The following TUBA1C variants were observed in gnomAD, a reference collection of about 807,000 sequenced individuals.
The protein encoded by TUBA1C is tubulin alpha-1C chain.
In TUBA1C, 16 loss-of-function variants were observed where a neutral mutation model predicts 34.9. The ratio of observed to expected loss-of-function variants is 0.46; its 90% CI spans 0.31 to 0.70. The LOEUF (loss-of-function observed/expected upper bound fraction) is 0.70, where lower values mean the gene tolerates loss of function less well. Among genes scored for constraint, TUBA1C ranks in the 30% least tolerant of loss-of-function variants. TUBA1C has a pLI of 0.05. For synonymous variants in TUBA1C, 177 were observed against 215.9 expected, an observed-to-expected ratio of 0.82 and a Z score of 1.58; for missense variants, 329 against 587.3, an observed-to-expected ratio of 0.56 and a Z score of 4.55.
In TUBA1C at chr12:49,246,758, C is replaced by G. The variant is rs1172405308; in HGVS notation, c.213+18592C>G. On this transcript the variant is annotated intron_variant, in intron 1 of 3. Transcript: ENST00000541364. ...TATCAGAAGACAGAAGGCCAACTGG[C>G]TTATGGCATTTCAGGACAATTTCTG... 2.6e-5 allele frequency among the ~76,000 whole-genome samples: 4 copies of G among 152,296 alleles called. No individual in the cohort carries two copies. In the South Asian group the frequency reaches 8.3e-4, roughly 32 times the overall value.
At chr12:49,264,242 AC>A (rs1475663910), upstream of TUBA1C, among the ~76,000 whole-genome samples, 1 of 151,606 alleles carries the variant, frequency 6.6e-6, no homozygotes, top group African/African-American at 2.4e-5. Flanking sequence ...AAAGCCAACT[AC>A]TCTGCATAGT....
chr12:49,251,007 G>A (rs1436288297), intron 1 of TUBA1C, among the ~76,000 whole-genome samples: 1 of 152,188 alleles, frequency 6.6e-6, no homozygotes, highest in South Asian at 2.1e-4. Context: ...GGGAGTTCAA[G>A]ACCAGCCTGG....
intron 1 of TUBA1C, among the ~76,000 whole-genome samples, chr12:49,258,788 C>T (rs775211537): frequency 6.8e-6 from 1 of 146,982 alleles, no homozygotes; most frequent in African/African-American, 2.5e-5. Flanking sequence ...CGGAGTTTTG[C>T]TCTTGGTGCC....
upstream of TUBA1C, among the ~76,000 whole-genome samples, chr12:49,261,500 T>A (rs1942840182): frequency 6.6e-6 from 1 of 152,204 alleles, no homozygotes; most frequent in Non-Finnish European, 1.5e-5. Context: ...TGGGGTAAAT[T>A]ATTTCAAGTC....
intron 1 of TUBA1C, among the ~76,000 whole-genome samples, chr12:49,259,474 C>T (rs1406003729): frequency 6.6e-6 from 1 of 152,202 alleles, no homozygotes; most frequent in Non-Finnish European, 1.5e-5. Context: ...CTGCCTGCCT[C>T]AACCTCCCAA....
At chr12:49,242,592 C>T (rs1276106728) in intron 1 of TUBA1C, among the ~76,000 whole-genome samples, 5 of 152,008 alleles carry the variant, frequency 3.3e-5, no homozygotes, top group African/African-American at 9.7e-5. Flanking sequence ...CTCAGCCTCC[C>T]GAGTAGCTGG....
chr12:49,254,694 C>T (rs964139615), intron 1 of TUBA1C, among the ~76,000 whole-genome samples: 3 of 152,000 alleles, frequency 2.0e-5, no homozygotes, highest in Non-Finnish European at 2.9e-5. Flanking sequence ...ATGGAGGCTT[C>T]ATCACGTAGG....
rs766248734 is a variant in TUBA1C at position 49,250,165 on chromosome 12, C to CTGCA, written c.214-19299_214-19296dup. Among the ~76,000 whole-genome samples, 28 of 152,050 alleles carry CTGCA rather than the reference C, an allele frequency of 1.8e-4. 1 individual carries two copies. The highest frequency in any genetic ancestry group is 6.8e-3 in the Middle Eastern group (2 of 294). On this transcript the variant is annotated intron_variant, in intron 1 of 3. Transcript: ENST00000541364. Reference sequence around the variant, plus strand: ...AGTGAGCTGAGATCGTGCCACTGCACTGCAACCTGGGCGACAGAGTGAGAC... The same window carrying CTGCA: ...AGTGAGCTGAGATCGTGCCACTGCACTGCATGCAACCTGGGCGACAGAGTGAGAC...
chr12:49,236,878 TATG>T (rs1249775150), intron 1 of TUBA1C, among the ~76,000 whole-genome samples: 2 of 152,312 alleles, frequency 1.3e-5, no homozygotes, highest in East Asian at 3.9e-4. Flanking sequence ...CAGTCCGGAT[TATG>T]ATATTATAAT....
At chr12:49,254,038 G>A (rs1942756992) in intron 1 of TUBA1C, among the ~76,000 whole-genome samples, 1 of 152,152 alleles carries the variant, frequency 6.6e-6, no homozygotes, top group Non-Finnish European at 1.5e-5. Context: ...GGAGCCGGGT[G>A]CGGTGACTTA....
chr12:49,265,097 G>C lies in TUBA1C; in HGVS notation c.-85G>C. ...CCACCCTTTCACTACTTCTCCCCCGGACTCCTTGGTAGTCTGTTAGTGGGA... is the reference window on the plus strand; with the variant it reads ...CCACCCTTTCACTACTTCTCCCCCGCACTCCTTGGTAGTCTGTTAGTGGGA... On this transcript the variant is annotated 5_prime_UTR_variant, in exon 1 of 4. Coordinates refer to ENST00000301072, the MANE Select transcript of TUBA1C (RefSeq NM_032704.5). 1.3e-6 allele frequency: 2 copies of C among 1,497,746 alleles called. No individual in the cohort carries two copies. The highest frequency in any genetic ancestry group is 3.8e-5 in the Admixed American group (2 of 52,958). The allele number at this position is 1,497,746 out of a possible 1,614,324, so 92.8% of individuals were successfully genotyped here.
intron 1 of TUBA1C, among the ~76,000 whole-genome samples, chr12:49,253,194 A>G (rs1344288152): frequency 6.6e-6 from 1 of 152,050 alleles, no homozygotes; most frequent in East Asian, 1.9e-4. Flanking sequence ...GTTAGTAGTC[A>G]TGAACTTTAA....
chr12:49,256,181 A>G (rs185422979), intron 1 of TUBA1C, among the ~76,000 whole-genome samples: 1 of 152,258 alleles, frequency 6.6e-6, no homozygotes, highest in African/African-American at 2.4e-5. Flanking sequence ...ACCAAAGGCC[A>G]TGAAACCCCC....
chr12:49,243,342 A>G (rs1014967029), intron 1 of TUBA1C, among the ~76,000 whole-genome samples: 5 of 152,064 alleles, frequency 3.3e-5, no homozygotes, highest in Admixed American at 2.6e-4. Flanking sequence ...TAGCCAAGCT[A>G]AGGCGGGAGA....
At chr12:49,248,990 G>A (rs939666279) in intron 1 of TUBA1C, among the ~76,000 whole-genome samples, 22 of 152,050 alleles carry the variant, frequency 1.4e-4, no homozygotes, top group Non-Finnish European at 2.4e-4. Flanking sequence ...CTTCACAAGG[G>A]AAATCTTAAA....
upstream of TUBA1C, among the ~76,000 whole-genome samples, chr12:49,260,502 G>A (rs949938268): frequency 6.6e-6 from 1 of 152,150 alleles, no homozygotes; most frequent in Non-Finnish European, 1.5e-5. Context: ...AGGGGAAGTC[G>A]TCCAAAACAC....
At chr12:49,232,215 T>C (rs12300386) in intron 1 of TUBA1C, among the ~76,000 whole-genome samples, 2,900 of 152,294 alleles carry the variant, frequency 0.019, 91 homozygotes, top group African/African-American at 0.066. Context: ...GGATGCTGTG[T>C]GAAGGGAATG....
upstream of TUBA1C, among the ~76,000 whole-genome samples, chr12:49,264,451 G>A (rs1427924396): frequency 1.3e-5 from 2 of 152,136 alleles, no homozygotes; most frequent in Non-Finnish European, 2.9e-5. Flanking sequence ...CCCTCTCTCT[G>A]GACAGCCCTC....
At chr12:49,234,009 C>T (rs1203685480) in intron 1 of TUBA1C, 1 of 152,260 alleles carries the variant, frequency 6.6e-6, no homozygotes, top group Non-Finnish European at 1.5e-5. Flanking sequence ...AAGGTGGTAC[C>T]ACAAGGCTCT....
Sources: gnomAD v4.1 joint callset for allele counts (sites outside exome capture counted in the v4.1 genomes callset) on GRCh38, gnomAD v4.1.1 for gene constraint, MANE v1.5 for transcripts, NCBI Gene and HGNC (gene_info 2026-07-23, HGNC 2026-07-21) for gene names.